The following CSGALNACT1 variants were observed in gnomAD, a reference collection of about 807,000 sequenced individuals.
The protein encoded by CSGALNACT1 is chondroitin sulfate N-acetylgalactosaminyltransferase 1, also known as beta4GalNAcT-1.
A neutral mutation model predicts 51.0 loss-of-function variants in CSGALNACT1; 52 were observed. That is an observed-to-expected ratio of 1.02 (90% CI 0.82 to 1.29). CSGALNACT1 has a LOEUF of 1.29. Ranked by LOEUF, CSGALNACT1 falls within the 50% of genes most tolerant of loss-of-function variation. The probability of loss-of-function intolerance (pLI) is 0.00; values close to 1 mark genes in which losing one functional copy is unlikely to be tolerated. For synonymous variants in CSGALNACT1, 341 were observed against 254.4 expected (o/e 1.34, Z -3.24); for missense variants, 935 against 679.2 (o/e 1.38, Z -4.19).
chr8:19,503,608 G>T (rs557649655), intron 4 of CSGALNACT1, among the ~76,000 whole-genome samples: 1 of 151,982 alleles, frequency 6.6e-6, no homozygotes, highest in Non-Finnish European at 1.5e-5. Context: ...TTCCCTGAGG[G>T]TCGGCTAGTA....
At chr8:19,606,425 C>T (rs749044188), upstream of CSGALNACT1, among the ~76,000 whole-genome samples, 2 of 152,134 alleles carry the variant, frequency 1.3e-5, no homozygotes, top group Admixed American at 6.5e-5. Context: ...AAAAGAAAGG[C>T]CTCTTGGATG....
At chr8:19,740,415 T>C (rs2064239512) in intron 1 of CSGALNACT1, among the ~76,000 whole-genome samples, 1 of 152,160 alleles carries the variant, frequency 6.6e-6, no homozygotes. Context: ...CCCACAACCC[T>C]TCCTCCAGGA....
At chr8:19,610,225 G>A (rs1351614588) in intron 1 of CSGALNACT1, among the ~76,000 whole-genome samples, 8 of 147,884 alleles carry the variant, frequency 5.4e-5, no homozygotes, top group Admixed American at 4.1e-4. Context: ...AGGAGGCGGA[G>A]GTTCCAGTGA....
rs141409980 is a variant in CSGALNACT1 at position 19,688,338 on chromosome 8, T to C, written c.-297+69512A>G. ...CTGCAGCATCCATCCACATGGGAGATTGATTCTGTAAAAAAAAATCTCTTT... is the reference window on the plus strand; with the variant it reads ...CTGCAGCATCCATCCACATGGGAGACTGATTCTGTAAAAAAAAATCTCTTT... On this transcript the variant is annotated intron_variant, in intron 1 of 1. Transcript: ENST00000517494. Among the ~76,000 whole-genome samples the C allele has an allele frequency of 3.1e-3, 467 of 152,262 alleles. 1 individual carries two copies. Among genetic ancestry groups the C allele is most frequent in the Middle Eastern group, 6.8e-3 (2 of 294 alleles).
At chr8:19,706,680 T>G (rs940215868) in intron 1 of CSGALNACT1, among the ~76,000 whole-genome samples, 1 of 152,150 alleles carries the variant, frequency 6.6e-6, no homozygotes, top group African/African-American at 2.4e-5. Flanking sequence ...TCCTTGTGTG[T>G]GAAGCCCAAA....
chr8:19,749,573 C>T (rs191453257), intron 1 of CSGALNACT1, among the ~76,000 whole-genome samples: 10 of 152,244 alleles, frequency 6.6e-5, no homozygotes, highest in African/African-American at 1.4e-4. Flanking sequence ...CCAAACAAGG[C>T]GGCTCAGTAT....
At chr8:19,717,349 TTTC>T (rs2154237514) in intron 1 of CSGALNACT1, among the ~76,000 whole-genome samples, 1 of 152,336 alleles carries the variant, frequency 6.6e-6, no homozygotes, top group Admixed American at 6.5e-5. Context: ...GAACTATTAC[TTTC>T]TTCTTATGAC....
upstream of CSGALNACT1, among the ~76,000 whole-genome samples, chr8:19,685,397 G>A (rs375858158): frequency 5.1e-4 from 77 of 152,276 alleles, no homozygotes; most frequent in African/African-American, 1.8e-3. Flanking sequence ...CTAACCAGGA[G>A]GCTGAGATGG....
intron 3 of CSGALNACT1, among the ~76,000 whole-genome samples, chr8:19,556,503 G>C (rs973989731): frequency 3.3e-5 from 5 of 152,230 alleles, no homozygotes; most frequent in East Asian, 1.9e-4. Context: ...CAATGGATTT[G>C]GCTTTGGCAT....
chr8:19,659,921 C>A (rs1375455551), intron 1 of CSGALNACT1, among the ~76,000 whole-genome samples: 1 of 152,246 alleles, frequency 6.6e-6, no homozygotes, highest in East Asian at 1.9e-4. Flanking sequence ...GGCAAAAATA[C>A]TGCCTCACAT....
intron 8 of CSGALNACT1, among the ~76,000 whole-genome samples, chr8:19,416,110 T>C (rs1391895126): frequency 7.5e-5 from 3 of 40,102 alleles, no homozygotes; most frequent in Non-Finnish European, 2.2e-4. Context: ...AAATGAAAAC[T>C]TTTTTTTTTT....
intron 4 of CSGALNACT1, among the ~76,000 whole-genome samples, chr8:19,469,970 A>G (rs960911655): frequency 6.6e-6 from 1 of 152,214 alleles, no homozygotes; most frequent in African/African-American, 2.4e-5. Context: ...TAAAAAGGGA[A>G]TAAATGCAAT....
chr8:19,505,609 T>C, exon 4 of CSGALNACT1: 1 of 1,614,136 alleles, frequency 6.2e-7, no homozygotes, highest in Non-Finnish European at 8.5e-7. Context: ...ATCTGCCGCT[T>C]CAGGCTGCTC....
intron 3 of CSGALNACT1, among the ~76,000 whole-genome samples, chr8:19,509,398 T>C (rs1024307977): frequency 2.0e-5 from 3 of 151,844 alleles, no homozygotes; most frequent in African/African-American, 7.3e-5. Flanking sequence ...GACTGGCAGA[T>C]CATTTAAGGT....
At chr8:19,694,372 G>A (rs1361670455) in intron 1 of CSGALNACT1, among the ~76,000 whole-genome samples, 11 of 152,198 alleles carry the variant, frequency 7.2e-5, no homozygotes, top group Non-Finnish European at 1.3e-4. Context: ...CTCATTTCAA[G>A]TCTCGCATTC....
chr8:19,728,942 A>G (rs1271342266), intron 1 of CSGALNACT1, among the ~76,000 whole-genome samples: 3 of 152,176 alleles, frequency 2.0e-5, no homozygotes, highest in Non-Finnish European at 4.4e-5. Context: ...GCTATGGGTT[A>G]CAAATATGTT....
intron 1 of CSGALNACT1, among the ~76,000 whole-genome samples, chr8:19,744,876 G>C (rs1413141432): frequency 6.6e-6 from 1 of 152,112 alleles, no homozygotes; most frequent in Non-Finnish European, 1.5e-5. Flanking sequence ...CCACACTTTT[G>C]GGAAGACATT....
At chr8:19,435,227 G>A (rs1241004945) in intron 6 of CSGALNACT1, among the ~76,000 whole-genome samples, 1 of 152,200 alleles carries the variant, frequency 6.6e-6, no homozygotes, top group Non-Finnish European at 1.5e-5. Flanking sequence ...AGGCGCGGTT[G>A]CTCACGCCTG....
At chr8:19,593,177 TGG>T (rs2048195296) in intron 2 of CSGALNACT1, among the ~76,000 whole-genome samples, 2 of 152,156 alleles carry the variant, frequency 1.3e-5, no homozygotes, top group African/African-American at 2.4e-5. Flanking sequence ...CAGAAATACG[TGG>T]GCTTAATGAC....
Sources: allele counts gnomAD v4.1 joint callset (sites outside exome capture counted in the v4.1 genomes callset), GRCh38; gene constraint gnomAD v4.1.1; transcripts MANE v1.5; gene names NCBI Gene and HGNC (gene_info 2026-07-23, HGNC 2026-07-21).